CATSPERB: variants seen among roughly 807,000 people sequenced by gnomAD.
CATSPERB encodes cation channel sperm-associated auxiliary subunit beta.
CATSPERB carries 93 observed loss-of-function variants against 128.3 expected under a neutral mutation model. The observed-to-expected ratio is 0.72, with a 90% CI of 0.61 to 0.86. CATSPERB has a LOEUF of 0.86. Ranked by LOEUF, CATSPERB falls within the 40% of genes least tolerant of loss-of-function variation. The probability of loss-of-function intolerance (pLI) is 0.00; values close to 1 mark genes in which losing one functional copy is unlikely to be tolerated. For missense variants in CATSPERB, 1,153 were observed against 1,329.5 expected (o/e 0.87, Z 2.06); for synonymous variants, 381 against 448.8 (o/e 0.85, Z 1.91).
intron 2 of CATSPERB, among the ~76,000 whole-genome samples, chr14:91,727,966 C>T (rs778266001): frequency 2.0e-5 from 3 of 152,120 alleles, no homozygotes; most frequent in Non-Finnish European, 4.4e-5. Flanking sequence ...TCTCTTTATC[C>T]CGCTAGACAC....
intron 15 of CATSPERB, among the ~76,000 whole-genome samples, chr14:91,650,804 C>T (rs12888885): frequency 0.59 from 89,667 of 151,920 alleles, 27,159 homozygotes; most frequent in East Asian, 0.77. Flanking sequence ...CACTAGAAAT[C>T]CCTACAATTT....
intron 14 of CATSPERB, among the ~76,000 whole-genome samples, chr14:91,666,774 T>C (rs184724242): frequency 6.6e-6 from 1 of 152,344 alleles, no homozygotes; most frequent in Non-Finnish European, 1.5e-5. Context: ...TACCAGGCGC[T>C]ACTCCTTGAG....
At position 91,638,311 on chromosome 14, in the gene CATSPERB, T is replaced by C. The variant is rs1186655577; in HGVS notation, c.1587+785A>G. On this transcript the variant is annotated intron_variant, in intron 16 of 26. Coordinates refer to ENST00000256343, the MANE Select transcript of CATSPERB (RefSeq NM_024764.4). ...TATCAAGTGTCATCTGTAAAGAAGA[T>C]AACTCCTTTTTTTGTTGTCACTAGA... Among the ~76,000 whole-genome samples the C allele has an allele frequency of 2.0e-5, 3 of 152,042 alleles. No homozygotes were observed. In the East Asian group the frequency reaches 5.8e-4, roughly 29 times the overall value.
intron 5 of CATSPERB, among the ~76,000 whole-genome samples, chr14:91,711,332 G>A (rs1235362479): frequency 6.6e-6 from 1 of 152,218 alleles, no homozygotes; most frequent in Admixed American, 6.5e-5. Context: ...CTGGGTTCAA[G>A]TGATCCTCCT....
intron 23 of CATSPERB, among the ~76,000 whole-genome samples, chr14:91,591,433 T>C (rs771327947): frequency 1.1e-4 from 16 of 152,074 alleles, no homozygotes; most frequent in Non-Finnish European, 2.2e-4. Flanking sequence ...AAGCCTTCTC[T>C]TAACCAACAT....
chr14:91,625,050 G>A, intron 17 of CATSPERB, 43 bp from the exon 18 acceptor site: 44 of 1,247,648 alleles, frequency 3.5e-5, no homozygotes, highest in South Asian at 1.4e-4. Flanking sequence ...ATAAAACAGT[G>A]GATTAAATGA....
intron 3 of CATSPERB, 151 bp downstream of exon 3, chr14:91,724,929 A>C (rs998515466): frequency 1.0e-5 from 4 of 382,708 alleles, no homozygotes; most frequent in African/African-American, 2.1e-5. Context: ...ACACTAGCAA[A>C]GATAGAAAAA....
chr14:91,595,080 G>A (rs770737528), intron 22 of CATSPERB, among the ~76,000 whole-genome samples: 28 of 151,988 alleles, frequency 1.8e-4, no homozygotes, highest in Non-Finnish European at 3.5e-4. Flanking sequence ...GCAAGACTAG[G>A]ATCTAACAAC....
intron 22 of CATSPERB, among the ~76,000 whole-genome samples, chr14:91,597,346 T>C (rs919210197): frequency 6.6e-6 from 1 of 152,154 alleles, no homozygotes; most frequent in African/African-American, 2.4e-5. Flanking sequence ...AAACCTTCAT[T>C]ATTTGAGTTG....
chr14:91,684,772 G>A (rs188741246), intron 10 of CATSPERB, among the ~76,000 whole-genome samples: 276 of 151,806 alleles, frequency 1.8e-3, no homozygotes, highest in Admixed American at 4.5e-3. Context: ...ACGCCACCAC[G>A]CCTGGCTAAT....
At chr14:91,587,376 T>G (rs750512256) in intron 25 of CATSPERB, 100 bp from the exon 26 acceptor site, 15 of 700,444 alleles carry the variant, frequency 2.1e-5, no homozygotes, top group Admixed American at 1.1e-4. Context: ...CTATAGATGC[T>G]GCATGAAAAG....
intron 20 of CATSPERB, among the ~76,000 whole-genome samples, chr14:91,617,025 G>A (rs191904271): frequency 3.3e-5 from 5 of 152,150 alleles, no homozygotes; most frequent in East Asian, 1.9e-4. Context: ...GATTACAGGC[G>A]TGAGCCACCA....
At chr14:91,628,189 C>T (rs921193700) in intron 17 of CATSPERB, among the ~76,000 whole-genome samples, 1 of 151,912 alleles carries the variant, frequency 6.6e-6, no homozygotes, top group African/African-American at 2.4e-5. Context: ...ACTATTTTGC[C>T]CAGACTAGGC....
chr14:91,590,433 A>G (rs1288562287), intron 23 of CATSPERB, among the ~76,000 whole-genome samples: 1 of 152,036 alleles, frequency 6.6e-6, no homozygotes, highest in Non-Finnish European at 1.5e-5. Flanking sequence ...TGAGAGGCTG[A>G]GGCAGGAGAA....
intron 1 of CATSPERB, among the ~76,000 whole-genome samples, chr14:91,730,049 T>C (rs900041229): frequency 2.4e-4 from 37 of 152,300 alleles, no homozygotes; most frequent in African/African-American, 8.7e-4. Flanking sequence ...TCTCCTGTAA[T>C]GCACTCCACT....
intron 10 of CATSPERB, among the ~76,000 whole-genome samples, chr14:91,687,679 G>A (rs1035567194): frequency 6.6e-6 from 1 of 152,190 alleles, no homozygotes. Context: ...TCTAAGCTGG[G>A]TGCGGTGACT....
chr14:91,624,999 C>T lies in CATSPERB; in HGVS notation c.1751G>A (p.Gly584Glu), dbSNP rs778867091. Residue 584 changes from glycine (G) to glutamate (E), a missense_variant, in exon 18 of 27, where the codon GGA becomes GAA. Physicochemically the swap from Gly to Glu is moderately conservative, Grantham distance 98. Coordinates refer to ENST00000256343, the MANE Select transcript of CATSPERB (RefSeq NM_024764.4). ...YGKVIHSGKTGRAYIRKVLQH... is the reference protein window; with the variant it reads ...YGKVIHSGKTERAYIRKVLQH... ...CAATACCTTTCTTATGTAAGCTCTT[C>T]CAGTTTTCCTAAAAACAAATAAAAC... The T allele has an allele frequency of 6.4e-7, 1 of 1,569,954 alleles. No homozygotes were observed. Among genetic ancestry groups the T allele is most frequent in the Non-Finnish European group, 8.6e-7 (1 of 1,164,984 alleles).
intron 20 of CATSPERB, among the ~76,000 whole-genome samples, chr14:91,613,138 C>CT (rs1229127283): frequency 6.6e-6 from 1 of 151,940 alleles, no homozygotes; most frequent in African/African-American, 2.4e-5. Flanking sequence ...AGATAACATA[C>CT]TTTTTTTAGA....
intron 14 of CATSPERB, among the ~76,000 whole-genome samples, chr14:91,665,828 G>A (rs1894974683): frequency 6.6e-6 from 1 of 152,062 alleles, no homozygotes; most frequent in Admixed American, 6.6e-5. Context: ...CTGGGCGACA[G>A]AACAAGACTC....
Sources: gnomAD v4.1 joint callset for allele counts (sites outside exome capture counted in the v4.1 genomes callset) on GRCh38, gnomAD v4.1.1 for gene constraint, MANE v1.5 for transcripts, NCBI Gene and HGNC (gene_info 2026-07-23, HGNC 2026-07-21) for gene names.